Variants in CFDP1 observed in about 807,000 individuals in gnomAD.
The protein encoded by CFDP1 is chromatin remodeling protein CFDP1.
In CFDP1, 31 loss-of-function variants were observed where a neutral mutation model predicts 40.1. That is an observed-to-expected ratio of 0.77 (90% CI 0.58 to 1.04). CFDP1 has a LOEUF of 1.04. Ranked by LOEUF, CFDP1 falls within the 50% of genes least tolerant of loss-of-function variation. CFDP1 has a pLI of 0.00. For missense variants in CFDP1, 423 were observed against 343.4 expected (o/e 1.23, Z -1.83); for synonymous variants, 167 against 120.0 (o/e 1.39, Z -2.56).
At chr16:75,344,007 T>G (rs1356067136) in intron 5 of CFDP1, among the ~76,000 whole-genome samples, 1 of 152,204 alleles carries the variant, frequency 6.6e-6, no homozygotes, top group Non-Finnish European at 1.5e-5. Context: ...CAGGAAACAG[T>G]TTCCCCCATT....
At chr16:75,426,882 C>A (rs1188302164) in intron 1 of CFDP1, among the ~76,000 whole-genome samples, 1 of 151,736 alleles carries the variant, frequency 6.6e-6, no homozygotes, top group African/African-American at 2.4e-5. Context: ...TGGTGAAACC[C>A]CATCTCTACT....
At chr16:75,323,205 CACTGTTTTT>C (rs922899376) in intron 5 of CFDP1, among the ~76,000 whole-genome samples, 1 of 150,880 alleles carries the variant, frequency 6.6e-6, no homozygotes, top group Non-Finnish European at 1.5e-5. Context: ...AAAATGTTTT[CACTGTTTTT>C]ACTTTTTAAC....
At chr16:75,307,797 C>T (rs1224981780) in intron 5 of CFDP1, among the ~76,000 whole-genome samples, 1 of 152,154 alleles carries the variant, frequency 6.6e-6, no homozygotes, top group Non-Finnish European at 1.5e-5. Flanking sequence ...TGGACTCAAG[C>T]AATCCTCCTG....
In CFDP1 at chr16:75,361,655, T is replaced by C; in HGVS notation, c.650+33435A>G. 1.3e-5 allele frequency among the ~76,000 whole-genome samples: 2 copies of C among 151,764 alleles called. 1 individual carries two copies. Among genetic ancestry groups the C allele is most frequent in the Non-Finnish European group, 2.9e-5 (2 of 67,930 alleles). On this transcript the variant is annotated intron_variant, in intron 5 of 6. Coordinates refer to ENST00000283882, the MANE Select transcript of CFDP1 (RefSeq NM_006324.3). ...AAACCAAAAAGACACACAAATCAAC[T>C]TAGGAAGGGATAAACATGTAAAAAA...
intron 1 of CFDP1, among the ~76,000 whole-genome samples, chr16:75,425,470 T>C (rs764741848): frequency 4.0e-5 from 6 of 150,562 alleles, no homozygotes; most frequent in Non-Finnish European, 7.4e-5. Flanking sequence ...AAGAATAAAG[T>C]TGGAGTACTC....
At chr16:75,369,396 AC>A (rs2078736963) in intron 5 of CFDP1, among the ~76,000 whole-genome samples, 1 of 152,056 alleles carries the variant, frequency 6.6e-6, no homozygotes. Context: ...AAAAACAAAA[AC>A]AAAACAACCC....
At chr16:75,300,741 C>A (rs1699044526) in intron 6 of CFDP1, among the ~76,000 whole-genome samples, 1 of 151,918 alleles carries the variant, frequency 6.6e-6, no homozygotes, top group South Asian at 2.1e-4. Flanking sequence ...TGTCAACTAA[C>A]AGCTGAAATG....
chr16:75,319,873 T>C (rs1335489587), intron 5 of CFDP1, among the ~76,000 whole-genome samples: 1 of 152,204 alleles, frequency 6.6e-6, no homozygotes, highest in Non-Finnish European at 1.5e-5. Context: ...GCTAAGGCAA[T>C]ACAATGGATT....
At chr16:75,402,776 T>A (rs550866034) in intron 4 of CFDP1, among the ~76,000 whole-genome samples, 10 of 152,320 alleles carry the variant, frequency 6.6e-5, no homozygotes, top group Admixed American at 2.0e-4. Context: ...AGTCCCCTTA[T>A]GAGAATTCCT....
At chr16:75,428,855 G>C (rs1213199646) in intron 1 of CFDP1, among the ~76,000 whole-genome samples, 1 of 151,502 alleles carries the variant, frequency 6.6e-6, no homozygotes, top group Admixed American at 6.6e-5. Flanking sequence ...AGAGGCTCAC[G>C]CCTGTAATCC....
At chr16:75,396,526 G>A (rs1231589124) in intron 4 of CFDP1, among the ~76,000 whole-genome samples, 1 of 103,562 alleles carries the variant, frequency 9.7e-6, no homozygotes, top group African/African-American at 2.9e-5. Context: ...GCAACAGAGC[G>A]AGACTCTGTC....
chr16:75,301,473 T>C (rs2078220779), intron 6 of CFDP1, among the ~76,000 whole-genome samples: 1 of 150,568 alleles, frequency 6.6e-6, no homozygotes, highest in Admixed American at 6.6e-5. Flanking sequence ...CCAGAGCCTG[T>C]GTCTGTGTCT....
At chr16:75,295,519 G>C (rs770532859) in intron 6 of CFDP1, among the ~76,000 whole-genome samples, 1 of 152,220 alleles carries the variant, frequency 6.6e-6, no homozygotes, top group Non-Finnish European at 1.5e-5. Context: ...ATGTTATCAT[G>C]GTTTTAGGAA....
intron 5 of CFDP1, among the ~76,000 whole-genome samples, chr16:75,313,180 C>T (rs192800792): frequency 1.1e-3 from 162 of 152,302 alleles, no homozygotes; most frequent in Non-Finnish European, 1.8e-3. Flanking sequence ...AGAAGCTCTA[C>T]GTTTGATAAG....
chr16:75,347,571 C>A (rs532557577), intron 5 of CFDP1, among the ~76,000 whole-genome samples: 1 of 151,660 alleles, frequency 6.6e-6, no homozygotes, highest in Middle Eastern at 3.4e-3. Context: ...CCCAGCTACT[C>A]GGGAGGCTGA....
At chr16:75,331,372 C>T (rs1385666541) in intron 5 of CFDP1, among the ~76,000 whole-genome samples, 1 of 152,210 alleles carries the variant, frequency 6.6e-6, no homozygotes, top group Non-Finnish European at 1.5e-5. Flanking sequence ...TCACCTCGGC[C>T]TCCCAAAGTG....
chr16:75,355,112 C>T (rs1200286115), intron 5 of CFDP1, among the ~76,000 whole-genome samples: 1 of 152,186 alleles, frequency 6.6e-6, no homozygotes, highest in East Asian at 1.9e-4. Context: ...TAAAATATTG[C>T]TAAAAATGCT....
chr16:75,410,315 C>T (rs1320454902), intron 4 of CFDP1, among the ~76,000 whole-genome samples: 1 of 151,964 alleles, frequency 6.6e-6, no homozygotes, highest in East Asian at 1.9e-4. Flanking sequence ...CACAAATCTG[C>T]TATTTTCACA....
intron 5 of CFDP1, among the ~76,000 whole-genome samples, chr16:75,366,654 TATAGGGAG>T (rs1272281229): frequency 6.6e-6 from 1 of 151,752 alleles, no homozygotes; most frequent in Non-Finnish European, 1.5e-5. Context: ...AAAAAACCGT[TATAGGGAG>T]ATAGATACTG....
Sources: allele counts gnomAD v4.1 joint callset (sites outside exome capture counted in the v4.1 genomes callset), GRCh38; gene constraint gnomAD v4.1.1; transcripts MANE v1.5; gene names NCBI Gene and HGNC (gene_info 2026-07-23, HGNC 2026-07-21).